Variants in PLCE1 observed in about 807,000 individuals in gnomAD.
The protein encoded by PLCE1 is phospholipase C epsilon 1.
Under a neutral mutation model 242.8 loss-of-function variants are expected in PLCE1, and 119 were observed. The observed-to-expected ratio is 0.49, with a 90% CI of 0.42 to 0.57. The LOEUF is 0.57. Ranked by LOEUF, PLCE1 falls within the 20% of genes least tolerant of loss-of-function variation. The pLI, the probability that PLCE1 is intolerant of heterozygous loss-of-function variation, is 0.00. For missense variants in PLCE1, 2,441 were observed against 2,788.8 expected (o/e 0.88, Z 2.81); for synonymous variants, 945 against 1,017.4 (o/e 0.93, Z 1.35).
chr10:94,080,837 A>T (rs2044634345), intron 2 of PLCE1, among the ~76,000 whole-genome samples: 1 of 152,254 alleles, frequency 6.6e-6, no homozygotes, highest in Non-Finnish European at 1.5e-5. Flanking sequence ...CAAGGAGCTT[A>T]TGACAAATAG....
intron 3 of PLCE1, among the ~76,000 whole-genome samples, chr10:94,148,354 T>C (rs2047178440): frequency 6.6e-6 from 1 of 152,152 alleles, no homozygotes. Flanking sequence ...GGAGCTGGAA[T>C]GGATGTCCTG....
chr10:94,180,227 G>A (rs1332568696), intron 4 of PLCE1, among the ~76,000 whole-genome samples: 1 of 152,082 alleles, frequency 6.6e-6, no homozygotes, highest in South Asian at 2.1e-4. Flanking sequence ...CTCGCAATAG[G>A]ATTCAGAATT....
intron 29 of PLCE1, among the ~76,000 whole-genome samples, chr10:94,317,245 A>G (rs925094528): frequency 1.3e-5 from 2 of 152,032 alleles, no homozygotes; most frequent in Non-Finnish European, 2.9e-5. Flanking sequence ...ACAGAACAAG[A>G]CTCTGTCTCA....
Position 94,031,158 on chromosome 10 carries a change from A to G in PLCE1, c.112A>G (p.Ile38Val). The G allele has an allele frequency of 6.2e-7, 1 of 1,613,888 alleles. No homozygotes were observed. Among genetic ancestry groups the G allele is most frequent in the Non-Finnish European group, 8.5e-7 (1 of 1,179,850 alleles). The change falls in exon 2 of 33, where the codon ATT (isoleucine) becomes GTT (valine). Residue 38 changes from isoleucine to valine, a missense_variant. Physicochemically the swap from Ile to Val is conservative, Grantham distance 29 (BLOSUM62 3). Transcript: ENST00000371380. ...ESSEKVSDINISKAHTVRRSG... is the reference protein window; with the variant it reads ...ESSEKVSDINVSKAHTVRRSG... ...TAGTGAAAAGGTCTCAGACATCAAT[A>G]TTTCAAAAGCACATACTGTCAGACG... is the stretch of plus-strand genomic sequence containing the variant.
intron 28 of PLCE1, among the ~76,000 whole-genome samples, chr10:94,316,198 A>G (rs2053566948): frequency 1.3e-5 from 2 of 152,208 alleles, no homozygotes; most frequent in Non-Finnish European, 2.9e-5. Flanking sequence ...CTTAGTAAAT[A>G]CTAAACTAGG....
At position 94,110,049 on chromosome 10, in the gene PLCE1, T is replaced by C. The variant is rs56073927; in HGVS notation, c.1207-22125T>C. On this transcript the variant is annotated intron_variant, in intron 2 of 32. Coordinates refer to ENST00000371380, the MANE Select transcript of PLCE1 (RefSeq NM_016341.4). ...CAGGAGGATAGACCCTTTCCTTTTT[T>C]TCTTTTTTCTTTTTTTTTTTTTTTT... Among the ~76,000 whole-genome samples, 739 of 101,286 alleles carry C rather than the reference T, an allele frequency of 7.3e-3. 2 individuals are homozygous for C. Among genetic ancestry groups the C allele is most frequent in the Admixed American group, 0.012 (85 of 7,354 alleles). 66.4% of individuals were successfully genotyped at this position (101,286 alleles called of 152,430 possible). A position where few individuals can be genotyped will look rare whatever the true frequency, so the allele number is the denominator to read the frequency against.
chr10:94,268,931 C>A lies in PLCE1; in HGVS notation c.4284C>A (p.Val1428=). Reference sequence around the variant, plus strand: ...GGATTCGCTCATTGATCACACAGGTCCTTTTGCAAGGCTGTCGAAGTGTAG... The same window carrying A: ...GGATTCGCTCATTGATCACACAGGTACTTTTGCAAGGCTGTCGAAGTGTAG... The part of the protein sequence containing the change: ...GESSVELYSQ[V]LLQGCRSVEL... Residue 1428 remains valine, a splice_region_variant and synonymous_variant, in exon 17 of 33, where the codon GTC becomes GTA. Coordinates refer to ENST00000371380, the MANE Select transcript of PLCE1 (RefSeq NM_016341.4). 1 of 1,600,056 alleles carries A rather than the reference C, an allele frequency of 6.2e-7. No homozygotes were observed. Among genetic ancestry groups the A allele is most frequent in the South Asian group, 1.1e-5 (1 of 90,770 alleles).
intron 7 of PLCE1, among the ~76,000 whole-genome samples, chr10:94,242,106 G>T (rs928086334): frequency 6.6e-6 from 1 of 152,170 alleles, no homozygotes; most frequent in African/African-American, 2.4e-5. Flanking sequence ...CAGCAGGCAT[G>T]TATGAAGCCA....
intron 2 of PLCE1, among the ~76,000 whole-genome samples, chr10:94,041,401 AG>A (rs1404187681): frequency 1.3e-5 from 2 of 152,236 alleles, no homozygotes; most frequent in East Asian, 3.9e-4. Context: ...GAAATTTGAA[AG>A]GATCTTTTTC....
intron 2 of PLCE1, among the ~76,000 whole-genome samples, chr10:94,123,801 T>C (rs1177410906): frequency 6.6e-6 from 1 of 152,194 alleles, no homozygotes; most frequent in East Asian, 1.9e-4. Context: ...GCAGAGCTCT[T>C]ACACTTCATG....
intron 19 of PLCE1, chr10:94,279,382 T>C (rs556721771): frequency 5.2e-4 from 131 of 254,010 alleles, no homozygotes; most frequent in African/African-American, 2.8e-3. Context: ...AGATATTATT[T>C]TAAGAAGGGG....
chr10:94,248,883 G>C (rs1040035691), intron 8 of PLCE1, among the ~76,000 whole-genome samples: 1 of 152,166 alleles, frequency 6.6e-6, no homozygotes, highest in African/African-American at 2.4e-5. Context: ...TAATACATAA[G>C]AGGTACTTGG....
Position 93,994,135 on chromosome 10 carries a change from C to T in PLCE1, c.-488C>T, listed in dbSNP as rs1282631517. ...CTGGCTCCTGCGCGTTCCTGGGCAT[C>T]GGCTCTGCAGCTGACACACAGTAGC... On this transcript the variant is annotated 5_prime_UTR_variant, in exon 1 of 33. Transcript: ENST00000371380. Among the ~76,000 whole-genome samples the T allele has an allele frequency of 1.3e-5, 2 of 152,122 alleles. No individual in the cohort carries two copies. Among genetic ancestry groups the T allele is most frequent in the Non-Finnish European group, 2.9e-5 (2 of 68,008 alleles).
intron 7 of PLCE1, among the ~76,000 whole-genome samples, chr10:94,238,157 A>G (rs111511760): frequency 1.5e-3 from 229 of 152,372 alleles, no homozygotes; most frequent in Middle Eastern, 0.014. Flanking sequence ...CCGGTGGCTT[A>G]TGCCTGTAAT....
chr10:94,069,159 A>G (rs887036472), intron 2 of PLCE1, among the ~76,000 whole-genome samples: 2 of 152,236 alleles, frequency 1.3e-5, no homozygotes, highest in African/African-American at 4.8e-5. Context: ...TCCTCACTAC[A>G]ATACATCTTT....
At chr10:94,029,369 G>T (rs981025521) in intron 1 of PLCE1, among the ~76,000 whole-genome samples, 2 of 152,114 alleles carry the variant, frequency 1.3e-5, no homozygotes, top group African/African-American at 4.8e-5. Context: ...TTCATGGTGT[G>T]CTTTGAATTT....
intron 23 of PLCE1, among the ~76,000 whole-genome samples, chr10:94,296,937 G>A (rs530366546): frequency 9.8e-4 from 149 of 151,568 alleles, no homozygotes; most frequent in Non-Finnish European, 1.6e-3. Context: ...GCAGTGGCGC[G>A]ATCTCAGCTC....
chr10:94,122,273 G>T (rs2046321988), intron 2 of PLCE1, among the ~76,000 whole-genome samples: 2 of 152,284 alleles, frequency 1.3e-5, no homozygotes, highest in South Asian at 2.1e-4. Context: ...GCTGCAAGGA[G>T]CCTGGTAGTT....
chr10:94,081,985 C>T (rs1297570380), intron 2 of PLCE1: 13 of 152,150 alleles, frequency 8.5e-5, no homozygotes, highest in Non-Finnish European at 1.8e-4. Context: ...TAATTTAGAC[C>T]TGCCAAGAGT....
Sources: allele counts gnomAD v4.1 joint callset (sites outside exome capture counted in the v4.1 genomes callset), GRCh38; gene constraint gnomAD v4.1.1; transcripts MANE v1.5; gene names NCBI Gene and HGNC (gene_info 2026-07-23, HGNC 2026-07-21).